The following HS1BP3 variants were observed in gnomAD, a reference collection of about 807,000 sequenced individuals.
HS1BP3 encodes the protein HCLS1 binding protein 3, also known as HCLS1-binding protein 3.
Under a neutral mutation model 33.5 loss-of-function variants are expected in HS1BP3, and 32 were observed. The observed-to-expected ratio is 0.95, with a 90% CI of 0.72 to 1.28. HS1BP3 has a LOEUF of 1.28. Ranked by LOEUF, HS1BP3 falls within the 50% of genes most tolerant of loss-of-function variation. The probability of loss-of-function intolerance (pLI) is 0.00; values close to 1 mark genes in which losing one functional copy is unlikely to be tolerated. For synonymous variants in HS1BP3, 187 were observed against 209.2 expected (o/e 0.89, Z 0.92); for missense variants, 486 against 502.3 (o/e 0.97, Z 0.31).
At chr2:20,601,810 G>T (rs866100700) in intron 2 of HS1BP3, among the ~76,000 whole-genome samples, 1 of 98,338 alleles carries the variant, frequency 1.0e-5, no homozygotes, top group South Asian at 3.5e-4. Context: ...ACGGAGTCTT[G>T]CTCTGTTGCC....
At chr2:20,558,842 G>T (rs1460100228), downstream of HS1BP3, among the ~76,000 whole-genome samples, 1 of 152,170 alleles carries the variant, frequency 6.6e-6, no homozygotes, top group African/African-American at 2.4e-5. Context: ...CACAGAGGGG[G>T]TAGGGCCTGG....
At chr2:20,622,521 C>A (rs1431038955) in intron 6 of HS1BP3, 11 of 349,910 alleles carry the variant, frequency 3.1e-5, no homozygotes, top group Non-Finnish European at 5.7e-5. Flanking sequence ...GCACTACGAG[C>A]CCTGCTTTTT....
chr2:20,637,571 T>A (rs1442608793), intron 4 of HS1BP3: 4 of 152,294 alleles, frequency 2.6e-5, no homozygotes. Flanking sequence ...CCCTGGACGC[T>A]GGTCTCATGG....
chr2:20,559,599 A>AATGG (rs1692931563), downstream of HS1BP3, among the ~76,000 whole-genome samples: 1 of 141,066 alleles, frequency 7.1e-6, no homozygotes, highest in South Asian at 2.3e-4. Context: ...TAGGTGGATG[A>AATGG]ATGGATGGGT....
At chr2:20,556,423 T>C (rs1692842338), downstream of HS1BP3, among the ~76,000 whole-genome samples, 1 of 152,200 alleles carries the variant, frequency 6.6e-6, no homozygotes, top group African/African-American at 2.4e-5. Flanking sequence ...CGAGTTTATG[T>C]TCTGACTTAT....
At chr2:20,621,150 G>A (rs1694588676) in intron 6 of HS1BP3, among the ~76,000 whole-genome samples, 1 of 152,240 alleles carries the variant, frequency 6.6e-6, no homozygotes, top group Admixed American at 6.5e-5. Context: ...CCGGGCAGGG[G>A]TGGGGATAGA....
At chr2:20,568,456 A>G (rs1370510371) in intron 5 of HS1BP3, among the ~76,000 whole-genome samples, 2 of 152,138 alleles carry the variant, frequency 1.3e-5, no homozygotes, top group South Asian at 4.1e-4. Flanking sequence ...GTCAGGCTTC[A>G]GTGTTCACTC....
At position 20,594,677 on chromosome 2, in the gene HS1BP3, T is replaced by C. The variant is rs555171669; in HGVS notation, c.*13-1883A>G. Among the ~76,000 whole-genome samples, 136 of 152,270 alleles carry C rather than the reference T, an allele frequency of 8.9e-4. 2 individuals carry two copies. Among genetic ancestry groups the C allele is most frequent in the African/African-American group, 3.2e-3 (133 of 41,558 alleles). On this transcript the variant is annotated intron_variant, in intron 3 of 3. Transcript: ENST00000415264. ...AGTGAGGTCCCCTATCTCAATCCAT[T>C]CAGGCTGCTACAACAAAATACCGTG...
intron 4 of HS1BP3, among the ~76,000 whole-genome samples, chr2:20,627,091 C>T (rs1437684913): frequency 6.6e-6 from 1 of 152,218 alleles, no homozygotes; most frequent in Admixed American, 6.5e-5. Context: ...CTGTTCTGCC[C>T]GATGCTTCTC....
At chr2:20,598,662 C>T (rs1218505699) in intron 2 of HS1BP3, among the ~76,000 whole-genome samples, 1 of 147,102 alleles carries the variant, frequency 6.8e-6, no homozygotes, top group Admixed American at 6.8e-5. Context: ...GGGTTCACGC[C>T]ATTCTCCTGC....
chr2:20,631,185 TC>T (rs1280092036), intron 4 of HS1BP3, among the ~76,000 whole-genome samples: 1 of 152,012 alleles, frequency 6.6e-6, no homozygotes, highest in Non-Finnish European at 1.5e-5. Context: ...ACTTATGCTT[TC>T]TACTCAGCAG....
At chr2:20,575,166 T>G (rs1332960238) in intron 5 of HS1BP3, among the ~76,000 whole-genome samples, 1 of 152,274 alleles carries the variant, frequency 6.6e-6, no homozygotes. Flanking sequence ...CTGGAACTTT[T>G]GGAACAATGG....
chr2:20,588,077 ACC>A (rs1693725139), downstream of HS1BP3, among the ~76,000 whole-genome samples: 1 of 151,708 alleles, frequency 6.6e-6, no homozygotes, highest in African/African-American at 2.4e-5. Context: ...ATACTAGGGC[ACC>A]CCAAGCTGGT....
At chr2:20,645,087 C>G (rs1247158131) in intron 2 of HS1BP3, among the ~76,000 whole-genome samples, 1 of 152,170 alleles carries the variant, frequency 6.6e-6, no homozygotes, top group Non-Finnish European at 1.5e-5. Flanking sequence ...TTCTCTATAC[C>G]CCCAGAGCCC....
intron 2 of HS1BP3, among the ~76,000 whole-genome samples, chr2:20,610,007 C>T (rs1474879165): frequency 1.3e-5 from 2 of 152,216 alleles, no homozygotes; most frequent in Non-Finnish European, 2.9e-5. Flanking sequence ...CAGGCATCTT[C>T]TACTTCATGA....
intron 5 of HS1BP3, among the ~76,000 whole-genome samples, chr2:20,583,671 G>A (rs537217426): frequency 9.1e-4 from 138 of 152,350 alleles, no homozygotes; most frequent in Non-Finnish European, 1.5e-3. Flanking sequence ...CATGGTGGGA[G>A]GACCTGGGCT....
chr2:20,571,728 A>G (rs1312800032), intron 5 of HS1BP3, among the ~76,000 whole-genome samples: 1 of 152,054 alleles, frequency 6.6e-6, no homozygotes, highest in Non-Finnish European at 1.5e-5. Context: ...TGCTCACCAG[A>G]GCTTCCCCCA....
intron 5 of HS1BP3, among the ~76,000 whole-genome samples, chr2:20,563,310 G>A (rs1693047750): frequency 6.6e-6 from 1 of 152,256 alleles, no homozygotes; most frequent in South Asian, 2.1e-4. Context: ...GGCCCAGAGA[G>A]GGAAGGGCCA....
chr2:20,641,542 C>T (rs1450985903), intron 2 of HS1BP3, among the ~76,000 whole-genome samples: 1 of 152,230 alleles, frequency 6.6e-6, no homozygotes, highest in Non-Finnish European at 1.5e-5. Context: ...ATCTCACCGG[C>T]TGGCAGGTCA....
Sources: gnomAD v4.1 joint callset for allele counts (sites outside exome capture counted in the v4.1 genomes callset) on GRCh38, gnomAD v4.1.1 for gene constraint, MANE v1.5 for transcripts, NCBI Gene and HGNC (gene_info 2026-07-23, HGNC 2026-07-21) for gene names.